HIVEP1: variants seen among roughly 807,000 people sequenced by gnomAD.
HIVEP1 encodes the protein zinc finger protein 40.
HIVEP1 carries 36 observed loss-of-function variants against 180.0 expected under a neutral mutation model. The ratio of observed to expected loss-of-function variants is 0.20; its 90% confidence interval spans 0.15 to 0.26. The LOEUF is 0.26. Ranked by LOEUF, HIVEP1 falls within the 10% of genes least tolerant of loss-of-function variation. The pLI, the probability that HIVEP1 is intolerant of heterozygous loss-of-function variation, is 1.00. For synonymous variants in HIVEP1, 1,239 were observed against 1,239.0 expected (o/e 1.00, Z 0.00); for missense variants, 3,143 against 3,268.7 (o/e 0.96, Z 0.94).
upstream of HIVEP1, chr6:12,011,963 C>T (rs1767354872): frequency 6.9e-6 from 1 of 145,440 alleles, no homozygotes; most frequent in African/African-American, 2.5e-5. Context: ...AAGCCTCCGA[C>T]CTTCGCCCTG....
chr6:12,044,683 T>C (rs1049422961), intron 2 of HIVEP1, among the ~76,000 whole-genome samples: 11 of 151,728 alleles, frequency 7.2e-5, no homozygotes, highest in African/African-American at 2.7e-4. Context: ...AGTGCACCTG[T>C]GTGCAGCTGA....
At chr6:12,160,268 G>A (rs1487251087) in intron 7 of HIVEP1, among the ~76,000 whole-genome samples, 1 of 152,186 alleles carries the variant, frequency 6.6e-6, no homozygotes, top group African/African-American at 2.4e-5. Flanking sequence ...TCATCTTGAA[G>A]ATTCCTTGTT....
intron 2 of HIVEP1, among the ~76,000 whole-genome samples, chr6:12,083,334 C>T (rs2113295289): frequency 6.6e-6 from 1 of 152,222 alleles, no homozygotes; most frequent in African/African-American, 2.4e-5. Flanking sequence ...TTAACCAGCT[C>T]CATATTGTTT....
intron 2 of HIVEP1, among the ~76,000 whole-genome samples, chr6:12,039,494 G>T (rs376124547): frequency 8.5e-5 from 13 of 152,164 alleles, no homozygotes; most frequent in African/African-American, 3.1e-4. Context: ...TGATATTCTT[G>T]TGTATTTTCA....
chr6:12,151,693 T>C (rs768023073), intron 7 of HIVEP1, among the ~76,000 whole-genome samples: 21 of 152,220 alleles, frequency 1.4e-4, no homozygotes, highest in Non-Finnish European at 2.9e-4. Flanking sequence ...AAGGGCTGGA[T>C]AGTAAATATT....
intron 6 of HIVEP1, among the ~76,000 whole-genome samples, chr6:12,131,370 A>AT (rs1302622094): frequency 8.6e-5 from 13 of 151,876 alleles, no homozygotes; most frequent in Admixed American, 7.2e-4. Context: ...TTCTATAATA[A>AT]TTACACTTCT....
rs751378177 is a variant in HIVEP1 at position 12,125,424 on chromosome 6, C to T, written c.5629C>T (p.Pro1877Ser). Residue 1877 changes from proline to serine, a missense_variant, in exon 4 of 9, where the codon CCT becomes TCT. Physicochemically the swap from Pro to Ser is moderately conservative, Grantham distance 74. This residue lies in a region of HIVEP1 where 1,357 missense variants were observed against 1,260.5 expected (regional missense o/e 1.08). Transcript: ENST00000379388. The stretch of plus-strand genomic sequence containing the variant: ...TCTTACAGTTCGAAGTTCACCTGCT[C>T]CTTCAGAAAATACTCATATTTCTCC... Reference protein sequence around the residue: ...LTLTVRSSPAPSENTHISPLK... With the variant: ...LTLTVRSSPASSENTHISPLK... The T allele has an allele frequency of 1.6e-5, 26 of 1,613,982 alleles. No homozygotes were observed. Among genetic ancestry groups the T allele is most frequent in the African/African-American group, 4.0e-5 (3 of 75,020 alleles).
chr6:12,152,715 T>G lies in HIVEP1; in HGVS notation c.6488-8724T>G, dbSNP rs1003648115. ...AGAGACAGAAACATCATTCTGTGCT[T>G]ATCTCAGTGAAAGAAACCCAGGAAA... On this transcript the variant is annotated intron_variant, in intron 7 of 8. Coordinates refer to ENST00000379388, the MANE Select transcript of HIVEP1 (RefSeq NM_002114.4). Among the ~76,000 whole-genome samples the G allele has an allele frequency of 2.0e-5, 3 of 152,190 alleles. No individual in the cohort carries two copies. In the South Asian group the frequency reaches 6.2e-4, roughly 32 times the overall value.
rs1760656763 is a variant in HIVEP1 at position 12,164,948 on chromosome 6, CAG to C, written c.*489_*490del. The C allele has an allele frequency of 1.5e-5, 5 of 325,616 alleles. No individual in the cohort carries two copies. The highest frequency in any genetic ancestry group is 1.4e-4 in the South Asian group (5 of 35,848). The allele number at this position is 325,616 out of a possible 1,614,324, so 20.2% of individuals were successfully genotyped here. A position where few individuals can be genotyped will look rare whatever the true frequency, so the allele number is the denominator to read the frequency against. ...TAAGACAGTAACTTTACACTTCAGA[CAG>C]ATTTTCTGTGTTATGAAATGTTTCA... is the stretch of plus-strand genomic sequence containing the variant. On this transcript the variant is annotated 3_prime_UTR_variant, in exon 9 of 9. Transcript: ENST00000379388.
the HIVEP1 span, among the ~76,000 whole-genome samples, chr6:12,211,169 G>A: frequency 0.23 from 32,991 of 140,570 alleles, 4,043 homozygotes; most frequent in East Asian, 0.31. Flanking sequence ...GGAGGCTGAG[G>A]CGGGCGGATC....
At chr6:12,037,799 C>A in intron 2 of HIVEP1, 1 of 446,292 alleles carries the variant, frequency 2.2e-6, no homozygotes, top group South Asian at 5.2e-5. Flanking sequence ...CTTCTGGGGA[C>A]AAGCTAAGGC....
chr6:12,119,832 T>C (rs1040785128), intron 3 of HIVEP1, 58 bp from the exon 4 acceptor site: 65 of 1,092,100 alleles, frequency 6.0e-5, no homozygotes, highest in Non-Finnish European at 8.1e-5. Flanking sequence ...TTCAAAAAAT[T>C]ATAGTTGGTG....
At chr6:12,081,197 A>C (rs1306910807) in intron 2 of HIVEP1, among the ~76,000 whole-genome samples, 5 of 152,172 alleles carry the variant, frequency 3.3e-5, no homozygotes, top group Non-Finnish European at 7.4e-5. Flanking sequence ...CCGAGTTGCC[A>C]AGCTTTGTAA....
chr6:12,075,183 A>T (rs1219603170), intron 2 of HIVEP1, among the ~76,000 whole-genome samples: 2 of 152,214 alleles, frequency 1.3e-5, no homozygotes, highest in Admixed American at 1.3e-4. Flanking sequence ...TGTACCATGT[A>T]CATTGCTCTG....
chr6:12,143,383 T>A (rs1469786769), intron 7 of HIVEP1, among the ~76,000 whole-genome samples: 1 of 152,160 alleles, frequency 6.6e-6, no homozygotes, highest in Non-Finnish European at 1.5e-5. Flanking sequence ...ATGGAACGTA[T>A]CTCAAAATAA....
At chr6:12,143,089 G>A (rs1355978833) in intron 7 of HIVEP1, among the ~76,000 whole-genome samples, 6 of 152,140 alleles carry the variant, frequency 3.9e-5, no homozygotes, top group Non-Finnish European at 7.4e-5. Flanking sequence ...AAAAAAAAGA[G>A]AATTTTAGAC....
At chr6:12,079,814 A>G (rs529527230) in intron 2 of HIVEP1, among the ~76,000 whole-genome samples, 1 of 152,154 alleles carries the variant, frequency 6.6e-6, no homozygotes, top group Non-Finnish European at 1.5e-5. Flanking sequence ...AATACAACAA[A>G]TTTGATTCTT....
chr6:12,083,519 T>G (rs982821510), intron 2 of HIVEP1, among the ~76,000 whole-genome samples: 12 of 152,094 alleles, frequency 7.9e-5, no homozygotes, highest in East Asian at 5.8e-4. Context: ...TCTCAGAATA[T>G]GCTGTGAGGA....
At chr6:12,182,057 A>G in the HIVEP1 span, among the ~76,000 whole-genome samples, 1 of 152,164 alleles carries the variant, frequency 6.6e-6, no homozygotes, top group Non-Finnish European at 1.5e-5. Flanking sequence ...TTCTCAGTGT[A>G]TTTTCCTAAG....
Sources: allele counts gnomAD v4.1 joint callset (sites outside exome capture counted in the v4.1 genomes callset), GRCh38; gene constraint gnomAD v4.1.1; regional missense constraint gnomAD v4.1.1; transcripts MANE v1.5; gene names NCBI Gene and HGNC (gene_info 2026-07-23, HGNC 2026-07-21).